Variants in LINGO2 observed in about 807,000 individuals in gnomAD.
LINGO2 encodes leucine-rich repeat and immunoglobulin-like domain-containing nogo receptor-interacting protein 2.
LINGO2 carries 14 observed loss-of-function variants against 30.6 expected under a neutral mutation model. That is an observed-to-expected ratio of 0.46 (90% CI 0.30 to 0.72). The LOEUF (loss-of-function observed/expected upper bound fraction) is 0.72, where lower values mean the gene tolerates loss of function less well. Among genes scored for constraint, LINGO2 ranks in the 30% least tolerant of loss-of-function variants. LINGO2 has a pLI of 0.07. For synonymous variants in LINGO2, 317 were observed against 288.5 expected (o/e 1.10, Z -1.00); for missense variants, 729 against 751.7 (o/e 0.97, Z 0.35).
At chr9:28,396,080 T>C (rs1421808648) in intron 2 of LINGO2, among the ~76,000 whole-genome samples, 2 of 152,178 alleles carry the variant, frequency 1.3e-5, no homozygotes, top group Admixed American at 6.5e-5. Flanking sequence ...CAGGGTTCCA[T>C]ACAACTAGTT....
the LINGO2 span, among the ~76,000 whole-genome samples, chr9:28,976,192 C>T: frequency 7.9e-5 from 12 of 152,122 alleles, no homozygotes; most frequent in Non-Finnish European, 1.3e-4. Context: ...CAGGGGGCTG[C>T]TTTCTCAGTT....
At position 28,216,008 on chromosome 9, in the gene LINGO2, C is replaced by G. The variant is rs190414435; in HGVS notation, c.-87+79200G>C. On this transcript the variant is annotated intron_variant, in intron 4 of 5. Transcript: ENST00000379992. ...CATAAAAAATGAACACATTAGCCATCTTTTGCTCTTTTGGCACTTCTGCAA... is the reference window on the plus strand; with the variant it reads ...CATAAAAAATGAACACATTAGCCATGTTTTGCTCTTTTGGCACTTCTGCAA... 2.6e-5 allele frequency among the ~76,000 whole-genome samples: 4 copies of G among 151,912 alleles called. No individual in the cohort carries two copies. The East Asian group carries it at 7.7e-4, about 29-fold the overall frequency.
the LINGO2 span, among the ~76,000 whole-genome samples, chr9:28,694,484 G>A: frequency 1.3e-5 from 2 of 151,884 alleles, no homozygotes; most frequent in Non-Finnish European, 2.9e-5. Flanking sequence ...TCTCCCAAAG[G>A]ATTTCCTGAT....
chr9:27,988,182 T>G (rs1821217746), intron 5 of LINGO2, among the ~76,000 whole-genome samples: 1 of 151,982 alleles, frequency 6.6e-6, no homozygotes, highest in Admixed American at 6.6e-5. Flanking sequence ...GGACATGAAC[T>G]CATTTTTTAT....
the LINGO2 span, among the ~76,000 whole-genome samples, chr9:28,792,756 A>C: frequency 6.6e-6 from 1 of 152,138 alleles, no homozygotes; most frequent in African/African-American, 2.4e-5. Context: ...TGATGGTTGC[A>C]TACCTAGAGT....
the LINGO2 span, among the ~76,000 whole-genome samples, chr9:29,132,490 A>G: frequency 2.6e-5 from 4 of 152,166 alleles, no homozygotes; most frequent in Non-Finnish European, 5.9e-5. Flanking sequence ...GACTGGTCAC[A>G]GGTCACTATT....
chr9:28,639,895 G>A lies in LINGO2; in HGVS notation c.-365+30305C>T, dbSNP rs563012401. Reference sequence around the variant, plus strand: ...TAGCTGGTTATTTTGCTCGTTAGTTGATGCAGTTTCTTCCTAGCCTTGATG... The same window carrying A: ...TAGCTGGTTATTTTGCTCGTTAGTTAATGCAGTTTCTTCCTAGCCTTGATG... On this transcript the variant is annotated intron_variant, in intron 1 of 5. Coordinates refer to ENST00000379992, the Ensembl canonical transcript of LINGO2. Among the ~76,000 whole-genome samples the A allele has an allele frequency of 9.2e-3, 1,403 of 152,252 alleles. 21 individuals are homozygous for A. The highest frequency in any genetic ancestry group is 0.033 in the African/African-American group (1,350 of 41,534).
intron 5 of LINGO2, among the ~76,000 whole-genome samples, chr9:27,975,626 G>A (rs961291653): frequency 6.6e-6 from 1 of 152,006 alleles, no homozygotes; most frequent in African/African-American, 2.4e-5. Flanking sequence ...TTAAGACCCT[G>A]TTTTATGTAA....
the LINGO2 span, among the ~76,000 whole-genome samples, chr9:29,040,159 T>C: frequency 6.6e-6 from 1 of 152,178 alleles, no homozygotes; most frequent in East Asian, 1.9e-4. Flanking sequence ...AGCTGTTTTA[T>C]AATTTTCTTG....
intron 4 of LINGO2, among the ~76,000 whole-genome samples, chr9:28,186,309 G>T (rs1192811968): frequency 6.6e-6 from 1 of 152,074 alleles, no homozygotes; most frequent in African/African-American, 2.4e-5. Context: ...ATACTACGAG[G>T]TACAAAAAGT....
chr9:28,612,149 C>T (rs1257935009), intron 1 of LINGO2, among the ~76,000 whole-genome samples: 2 of 152,114 alleles, frequency 1.3e-5, no homozygotes, highest in African/African-American at 4.8e-5. Context: ...GTAGCTTCCA[C>T]CTCCCAGGTT....
At chr9:28,459,738 G>A (rs1420574412) in intron 2 of LINGO2, among the ~76,000 whole-genome samples, 1 of 151,468 alleles carries the variant, frequency 6.6e-6, no homozygotes, top group Non-Finnish European at 1.5e-5. Flanking sequence ...TGATAATCTG[G>A]CATTCTTATA....
chr9:29,027,822 T>TA, the LINGO2 span, among the ~76,000 whole-genome samples: 5 of 152,310 alleles, frequency 3.3e-5, no homozygotes, highest in African/African-American at 9.6e-5. Context: ...CCCTAAACTT[T>TA]ACTTTTCCAT....
intron 1 of LINGO2, among the ~76,000 whole-genome samples, chr9:28,541,725 A>G (rs1052545179): frequency 9.9e-5 from 15 of 152,190 alleles, no homozygotes; most frequent in African/African-American, 3.6e-4. Flanking sequence ...CTTGGGTAAA[A>G]CATAAATCAT....
chr9:28,974,019 G>A, the LINGO2 span, among the ~76,000 whole-genome samples: 1 of 152,186 alleles, frequency 6.6e-6, no homozygotes, highest in Non-Finnish European at 1.5e-5. Flanking sequence ...TAACTGTGGT[G>A]TGTAAACTAC....
chr9:28,745,805 A>G, the LINGO2 span, among the ~76,000 whole-genome samples: 29 of 151,894 alleles, frequency 1.9e-4, 1 homozygote, highest in African/African-American at 6.8e-4. Context: ...TATTTGTTTG[A>G]CTCCAATGTT....
chr9:28,434,889 C>T (rs1823860790), intron 2 of LINGO2, among the ~76,000 whole-genome samples: 1 of 152,030 alleles, frequency 6.6e-6, no homozygotes, highest in African/African-American at 2.4e-5. Context: ...AAAAATGAAA[C>T]ACTGATATAA....
the LINGO2 span, among the ~76,000 whole-genome samples, chr9:28,794,203 C>G: frequency 6.6e-6 from 1 of 152,290 alleles, no homozygotes; most frequent in Admixed American, 6.5e-5. Context: ...ACTCAGGAGG[C>G]TGAGGCAGGA....
upstream of LINGO2, among the ~76,000 whole-genome samples, chr9:28,672,088 T>C (rs1829041187): frequency 6.6e-6 from 1 of 152,108 alleles, no homozygotes; most frequent in Non-Finnish European, 1.5e-5. Context: ...TAACATGTCC[T>C]ATTAGGTTCT....
Sources: gnomAD v4.1 joint callset for allele counts (sites outside exome capture counted in the v4.1 genomes callset) on GRCh38, gnomAD v4.1.1 for gene constraint, MANE v1.5 for transcripts, NCBI Gene and HGNC (gene_info 2026-07-23, HGNC 2026-07-21) for gene names.